Variants in SMAD9 observed in about 807,000 individuals in gnomAD.
SMAD9 encodes MAD homolog 9.
SMAD9 carries 36 observed loss-of-function variants against 46.1 expected under a neutral mutation model. That is an observed-to-expected ratio of 0.78 (90% CI 0.60 to 1.03). The LOEUF (loss-of-function observed/expected upper bound fraction) is 1.03, where lower values mean the gene tolerates loss of function less well. Among genes scored for constraint, SMAD9 ranks in the 50% least tolerant of loss-of-function variants. SMAD9 has a pLI of 0.00. For synonymous variants in SMAD9, 245 were observed against 237.1 expected (o/e 1.03, Z -0.31); for missense variants, 572 against 599.8 (o/e 0.95, Z 0.48).
intron 1 of SMAD9, among the ~76,000 whole-genome samples, chr13:36,891,536 G>T (rs1487284069): frequency 6.6e-6 from 1 of 152,160 alleles, no homozygotes; most frequent in Non-Finnish European, 1.5e-5. Flanking sequence ...TTTAAACATA[G>T]GTGGCAACAG....
intron 5 of SMAD9, among the ~76,000 whole-genome samples, chr13:36,865,088 A>G (rs1472925126): frequency 2.0e-5 from 3 of 152,180 alleles, no homozygotes; most frequent in Non-Finnish European, 4.4e-5. Flanking sequence ...GCTTCCAGAC[A>G]TAAATCAGTC....
chr13:36,890,248 T>C (rs1265959719), intron 1 of SMAD9, among the ~76,000 whole-genome samples: 7 of 151,806 alleles, frequency 4.6e-5, no homozygotes, highest in African/African-American at 1.7e-4. Context: ...TTCCAAAATA[T>C]AACTCTAACT....
intron 1 of SMAD9, among the ~76,000 whole-genome samples, chr13:36,907,268 TAC>T (rs2058626961): frequency 6.6e-6 from 1 of 151,942 alleles, no homozygotes; most frequent in South Asian, 2.1e-4. Context: ...GTTTAAATGG[TAC>T]AGAGTTTCAG....
intron 5 of SMAD9, 152 bp from the exon 6 acceptor site, chr13:36,853,827 T>C: frequency 1.2e-6 from 1 of 820,528 alleles, no homozygotes; most frequent in South Asian, 1.4e-5. Flanking sequence ...TGCCGCTTAG[T>C]TTAATGATAA....
chr13:36,910,994 T>C (rs977091543), intron 1 of SMAD9, among the ~76,000 whole-genome samples: 4 of 152,170 alleles, frequency 2.6e-5, no homozygotes, highest in African/African-American at 9.7e-5. Context: ...CCATTAACTA[T>C]TGTATTATTA....
intron 1 of SMAD9, among the ~76,000 whole-genome samples, chr13:36,918,031 T>C (rs1375285854): frequency 6.6e-6 from 1 of 152,216 alleles, no homozygotes; most frequent in Non-Finnish European, 1.5e-5. Context: ...TGGATATCTT[T>C]AGTAATGTTT....
intron 1 of SMAD9, among the ~76,000 whole-genome samples, chr13:36,900,061 T>C (rs2058561254): frequency 6.6e-6 from 1 of 152,136 alleles, no homozygotes; most frequent in South Asian, 2.1e-4. Flanking sequence ...ATGAATCCGT[T>C]ACCTTCCTGC....
At chr13:36,892,832 T>C (rs754755944) in intron 1 of SMAD9, among the ~76,000 whole-genome samples, 1 of 152,166 alleles carries the variant, frequency 6.6e-6, no homozygotes, top group African/African-American at 2.4e-5. Flanking sequence ...AGACATTCTA[T>C]GCAAAATCTC....
intron 1 of SMAD9, among the ~76,000 whole-genome samples, chr13:36,907,862 A>G (rs901923383): frequency 2.6e-5 from 4 of 152,178 alleles, no homozygotes; most frequent in Non-Finnish European, 2.9e-5. Flanking sequence ...CAGGTAGAAA[A>G]TAATGTGCCA....
At chr13:36,906,736 A>G (rs73535786) in intron 1 of SMAD9, among the ~76,000 whole-genome samples, 4,116 of 152,298 alleles carry the variant, frequency 0.027, 188 homozygotes, top group African/African-American at 0.094. Flanking sequence ...TCTTGTTAAC[A>G]AAACAGAAAA....
chr13:36,879,159 C>CTCTT (rs2138490974), intron 2 of SMAD9, 119 bp downstream of exon 2: 1 of 978,884 alleles, frequency 1.0e-6, no homozygotes, highest in South Asian at 1.4e-5. Flanking sequence ...TCCCTCTCCT[C>CTCTT]TCTTCTCTCT....
chr13:36,862,945 AG>A (rs1460077778), intron 5 of SMAD9, among the ~76,000 whole-genome samples: 4 of 152,202 alleles, frequency 2.6e-5, no homozygotes, highest in Non-Finnish European at 5.9e-5. Flanking sequence ...CAATCCAGGA[AG>A]CCTGCTCATG....
chr13:36,887,096 C>T (rs1431307348), intron 1 of SMAD9, among the ~76,000 whole-genome samples: 4 of 133,518 alleles, frequency 3.0e-5, no homozygotes, highest in Non-Finnish European at 4.6e-5. Flanking sequence ...TCTTGAACTC[C>T]TGGACTCAAG....
Position 36,872,719 on chromosome 13 carries a change from C to T in SMAD9, c.609G>A (p.Thr203=), listed in dbSNP as rs760039567. The T allele has an allele frequency of 1.4e-5, 22 of 1,613,846 alleles. No individual in the cohort carries two copies. The Admixed American group carries it at 3.2e-4, about 23-fold the overall frequency. Residue 203 remains threonine (T), a synonymous_variant, in exon 3 of 7, where the codon ACG becomes ACA. Transcript: ENST00000379826. ...PSHAFSQSPC[T]ASYPHSPGSP... Reference sequence around the variant, plus strand: ...TTCCTGGGGAGTGAGGGTAGCTGGCCGTGCACGGGGACTGGGAGAACGCGT... The same window carrying T: ...TTCCTGGGGAGTGAGGGTAGCTGGCTGTGCACGGGGACTGGGAGAACGCGT...
At position 36,879,855 on chromosome 13, in the gene SMAD9, C is replaced by A; in HGVS notation, c.-166G>T. On this transcript the variant is annotated 5_prime_UTR_variant, in exon 2 of 7. Coordinates refer to ENST00000379826, the MANE Select transcript of SMAD9 (RefSeq NM_001127217.3). ...GAAGTGTGTTGACTTTCTCCTAAGC[C>A]CTTGAACAGGGTGGCCAACTCTGGA... is the stretch of plus-strand genomic sequence containing the variant. 1 of 686,200 alleles carries A rather than the reference C, an allele frequency of 1.5e-6. No homozygotes were observed. Among genetic ancestry groups the A allele is most frequent in the East Asian group, 2.7e-5 (1 of 37,056 alleles). 42.5% of individuals were successfully genotyped at this position (686,200 alleles called of 1,614,324 possible). A position where few individuals can be genotyped will look rare whatever the true frequency, so the allele number is the denominator to read the frequency against.
At chr13:36,854,366 AATTTT>A (rs1253207644) in intron 5 of SMAD9, among the ~76,000 whole-genome samples, 1 of 151,914 alleles carries the variant, frequency 6.6e-6, no homozygotes, top group Non-Finnish European at 1.5e-5. Context: ...TACATACACA[AATTTT>A]ATTTTTTTTT....
In SMAD9 at chr13:36,879,576, C is replaced by T; in HGVS notation, c.114G>A (p.Val38=). The T allele has an allele frequency of 6.2e-7, 1 of 1,614,226 alleles. No homozygotes were observed. The highest frequency in any genetic ancestry group is 8.5e-7 in the Non-Finnish European group (1 of 1,180,044). Residue 38 remains valine (V), a synonymous_variant, in exon 2 of 7, where the codon GTG becomes GTA. Coordinates refer to ENST00000379826, the MANE Select transcript of SMAD9 (RefSeq NM_001127217.3). ...DEEEKWAEKA[V]DSLVKKLKKK... is the part of the protein sequence containing the mutation. ...TCTTTAACTTCTTCACTAGAGAGTC[C>T]ACTGCCTTCTCTGCCCACTTTTCCT...
chr13:36,883,226 G>C (rs763539645), intron 1 of SMAD9, among the ~76,000 whole-genome samples: 2 of 151,880 alleles, frequency 1.3e-5, no homozygotes, highest in Non-Finnish European at 1.5e-5. Flanking sequence ...CCACGGCCCA[G>C]GTTCACCATA....
intron 1 of SMAD9, among the ~76,000 whole-genome samples, chr13:36,914,598 TCTCA>T (rs1447505224): frequency 6.6e-6 from 1 of 152,180 alleles, no homozygotes; most frequent in African/African-American, 2.4e-5. Flanking sequence ...ACTCCAATTC[TCTCA>T]CTGTGATTCT....
Sources: gnomAD v4.1 joint callset for allele counts (sites outside exome capture counted in the v4.1 genomes callset) on GRCh38, gnomAD v4.1.1 for gene constraint, MANE v1.5 for transcripts, NCBI Gene and HGNC (gene_info 2026-07-23, HGNC 2026-07-21) for gene names.